The following EXTL3 variants were observed in gnomAD, a reference collection of about 807,000 sequenced individuals.
EXTL3 encodes exostosin like glycosyltransferase 3.
Under a neutral mutation model 69.3 loss-of-function variants are expected in EXTL3, and 27 were observed. The observed-to-expected ratio is 0.39, with a 90% CI of 0.29 to 0.54. The LOEUF (loss-of-function observed/expected upper bound fraction) is 0.54, where lower values mean the gene tolerates loss of function less well. Ranked by LOEUF, EXTL3 falls within the 20% of genes least tolerant of loss-of-function variation. EXTL3 has a pLI of 0.69. For missense variants in EXTL3, 1,003 were observed against 1,231.8 expected, an observed-to-expected ratio of 0.81 and a Z score of 2.78; for synonymous variants, 511 against 499.4, an observed-to-expected ratio of 1.02 and a Z score of -0.31.
At chr8:28,612,341 C>T (rs1328997362) in intron 2 of EXTL3, among the ~76,000 whole-genome samples, 1 of 151,894 alleles carries the variant, frequency 6.6e-6, no homozygotes, top group South Asian at 2.1e-4. Flanking sequence ...GTAGTCCCAG[C>T]AACTTGGGAG....
chr8:28,658,230 C>T (rs973639868), intron 1 of EXTL3, among the ~76,000 whole-genome samples: 1 of 152,188 alleles, frequency 6.6e-6, no homozygotes, highest in Non-Finnish European at 1.5e-5. Flanking sequence ...AAACCAACTT[C>T]CTGCTTATTA....
intron 1 of EXTL3, among the ~76,000 whole-genome samples, chr8:28,635,964 C>A (rs1027734152): frequency 2.0e-5 from 3 of 152,100 alleles, no homozygotes; most frequent in African/African-American, 7.2e-5. Context: ...AAGCAATTCG[C>A]CTGCCTTAGT....
At chr8:28,661,711 C>A (rs895040590) in intron 1 of EXTL3, among the ~76,000 whole-genome samples, 9 of 151,412 alleles carry the variant, frequency 5.9e-5, no homozygotes, top group Non-Finnish European at 1.3e-4. Context: ...GAAACCCCGC[C>A]TCTACTAAAA....
At chr8:28,668,865 C>CTCTTATTTTTTT (rs1193812924) in intron 1 of EXTL3, among the ~76,000 whole-genome samples, 9 of 94,476 alleles carry the variant, frequency 9.5e-5, no homozygotes, top group African/African-American at 4.1e-4. Flanking sequence ...GATAGAATCT[C>CTCTTATTTTTTT]TTTTTTTTTT....
At chr8:28,726,035 A>T (rs376013608) in intron 3 of EXTL3, among the ~76,000 whole-genome samples, 2 of 148,500 alleles carry the variant, frequency 1.3e-5, no homozygotes, top group African/African-American at 2.5e-5. Context: ...GGCTCACTGC[A>T]GCCTCTGCCT....
At chr8:28,662,700 G>A (rs1807135315) in intron 1 of EXTL3, among the ~76,000 whole-genome samples, 1 of 152,106 alleles carries the variant, frequency 6.6e-6, no homozygotes, top group Admixed American at 6.5e-5. Flanking sequence ...GATAATTAGA[G>A]TCCAGGGGTT....
At chr8:28,742,217 CATGGATTTTTA>C (rs1483427357) in intron 5 of EXTL3, 1 of 152,100 alleles carries the variant, frequency 6.6e-6, no homozygotes, top group Non-Finnish European at 1.5e-5. Context: ...GTGTTTATTG[CATGGATTTTTA>C]ATATAATTTT....
intron 1 of EXTL3, among the ~76,000 whole-genome samples, chr8:28,624,072 C>T (rs1296030876): frequency 6.6e-6 from 1 of 152,180 alleles, no homozygotes; most frequent in Non-Finnish European, 1.5e-5. Flanking sequence ...CAATTGTTCT[C>T]ACCTTACCTA....
At chr8:28,633,763 T>C (rs538819861) in intron 1 of EXTL3, among the ~76,000 whole-genome samples, 1 of 152,218 alleles carries the variant, frequency 6.6e-6, no homozygotes, top group Non-Finnish European at 1.5e-5. Context: ...ACATGCCATC[T>C]AAAGCCATCA....
intron 2 of EXTL3, among the ~76,000 whole-genome samples, chr8:28,616,605 C>A (rs1357759406): frequency 6.7e-6 from 1 of 150,166 alleles, no homozygotes; most frequent in Non-Finnish European, 1.5e-5. Context: ...CCAGCCTGGG[C>A]GACAGAGCGA....
chr8:28,648,244 G>A (rs780702634), intron 1 of EXTL3, among the ~76,000 whole-genome samples: 2 of 152,046 alleles, frequency 1.3e-5, no homozygotes, highest in Non-Finnish European at 2.9e-5. Flanking sequence ...CTATTTCTGG[G>A]CTAATATTGT....
At chr8:28,691,830 G>C (rs1215847128) in intron 1 of EXTL3, among the ~76,000 whole-genome samples, 1 of 151,946 alleles carries the variant, frequency 6.6e-6, no homozygotes, top group African/African-American at 2.4e-5. Flanking sequence ...CCGGGAGGCA[G>C]AAGTTGTGGT....
chr8:28,652,167 T>G (rs1806934388), intron 1 of EXTL3, among the ~76,000 whole-genome samples: 1 of 151,944 alleles, frequency 6.6e-6, no homozygotes, highest in Non-Finnish European at 1.5e-5. Context: ...GTGCAAGTAT[T>G]TGCCTGAGTC....
intron 1 of EXTL3, among the ~76,000 whole-genome samples, chr8:28,676,470 G>A (rs752721970): frequency 2.0e-5 from 3 of 152,180 alleles, no homozygotes; most frequent in Non-Finnish European, 4.4e-5. Context: ...TGCAGAGTGG[G>A]TTTAGGAGAT....
rs1254165846 is a variant in EXTL3 at position 28,753,054 on chromosome 8, C to T, written c.*2188C>T. On this transcript the variant is annotated 3_prime_UTR_variant, in exon 7 of 7. Transcript: ENST00000220562. Reference sequence around the variant, plus strand: ...CTAAGAAGGGCTGAGTGGTCTGACACCAAAACATGCCGCAGGGAGGGCTGT... The same window carrying T: ...CTAAGAAGGGCTGAGTGGTCTGACATCAAAACATGCCGCAGGGAGGGCTGT... 1 of 152,300 alleles carries T rather than the reference C, an allele frequency of 6.6e-6. No homozygotes were observed. The highest frequency in any genetic ancestry group is 1.9e-4 in the East Asian group (1 of 5,186). 9.4% of individuals were successfully genotyped at this position (152,300 alleles called of 1,614,324 possible).
chr8:28,684,231 T>C (rs1383760403), intron 1 of EXTL3, among the ~76,000 whole-genome samples: 4 of 152,176 alleles, frequency 2.6e-5, no homozygotes, highest in Non-Finnish European at 4.4e-5. Flanking sequence ...AGTGCCTCAG[T>C]TAAACATGGG....
chr8:28,744,693 C>T (rs1801848424), intron 6 of EXTL3, among the ~76,000 whole-genome samples: 1 of 152,040 alleles, frequency 6.6e-6, no homozygotes, highest in Admixed American at 6.6e-5. Context: ...ACTCAGGAGG[C>T]CAAGGCAGGA....
chr8:28,728,398 C>T (rs956199648), intron 3 of EXTL3, among the ~76,000 whole-genome samples: 12 of 152,178 alleles, frequency 7.9e-5, no homozygotes, highest in African/African-American at 2.9e-4. Flanking sequence ...TCATTGTGGA[C>T]TCTGAGCTTA....
At chr8:28,689,164 C>T (rs1390747608) in intron 1 of EXTL3, among the ~76,000 whole-genome samples, 1 of 152,192 alleles carries the variant, frequency 6.6e-6, no homozygotes, top group African/African-American at 2.4e-5. Context: ...CAGCCCCTTG[C>T]AGTCTTTTTT....
Sources: allele counts gnomAD v4.1 joint callset (sites outside exome capture counted in the v4.1 genomes callset), GRCh38; gene constraint gnomAD v4.1.1; transcripts MANE v1.5; gene names NCBI Gene and HGNC (gene_info 2026-07-23, HGNC 2026-07-21).